Variants in APP observed in about 807,000 individuals in gnomAD.
The protein encoded by APP is amyloid beta precursor protein.
APP carries 31 observed loss-of-function variants against 101.4 expected under a neutral mutation model. That is an observed-to-expected ratio of 0.31 (90% CI 0.23 to 0.41). APP has a LOEUF of 0.41. Ranked by LOEUF, APP falls within the 10% of genes least tolerant of loss-of-function variation. The probability of loss-of-function intolerance (pLI) is 1.00; values close to 1 mark genes in which losing one functional copy is unlikely to be tolerated. For missense variants in APP, 839 were observed against 1,003.7 expected (o/e 0.84, Z 2.22); for synonymous variants, 366 against 364.4 (o/e 1.00, Z -0.05).
At chr21:26,104,624 C>CA (rs374151996) in intron 2 of APP, among the ~76,000 whole-genome samples, 24 of 150,578 alleles carry the variant, frequency 1.6e-4, no homozygotes, top group Middle Eastern at 3.4e-3. Context: ...GAATCAAGGG[C>CA]AAAAAAAACA....
chr21:26,006,398 G>GTGTAGTATTTGCTTT (rs1294526614), intron 6 of APP, among the ~76,000 whole-genome samples: 1 of 152,156 alleles, frequency 6.6e-6, no homozygotes, highest in Non-Finnish European at 1.5e-5. Flanking sequence ...CTGAAATGCT[G>GTGTAGTATTTGCTTT]GTGTATACGA....
rs896744715 is a variant in APP at position 26,065,113 on chromosome 21, C to T, written c.356-11765G>A. Among the ~76,000 whole-genome samples the T allele has an allele frequency of 3.3e-5, 5 of 152,276 alleles. No homozygotes were observed. The South Asian group carries it at 6.2e-4, about 19-fold the overall frequency. On this transcript the variant is annotated intron_variant, in intron 3 of 17. Transcript: ENST00000346798. ...AAATGATCCACCTGCCTCGGCCTCC[C>T]AAAGTGCTGGGATTACAGGCACCGG...
chr21:25,880,892 T>C lies in APP; in HGVS notation c.*778A>G, dbSNP rs200089634. 1.3e-5 allele frequency: 2 copies of C among 152,730 alleles called. No homozygotes were observed. The highest frequency in any genetic ancestry group is 6.5e-5 in the Admixed American group (1 of 15,284). The allele number at this position is 152,730 out of a possible 1,614,324, so 9.5% of individuals were successfully genotyped here. A position where few individuals can be genotyped will look rare whatever the true frequency, so the allele number is the denominator to read the frequency against. ...TTCTGTACAATCATCCTGCAGAAAA[T>C]TGTTTTGGAGAATTCTTGGTAATTG... On this transcript the variant is annotated 3_prime_UTR_variant, in exon 18 of 18. Transcript: ENST00000346798.
rs887377072 is a variant in APP at position 25,887,539 on chromosome 21, A to C, written c.2211+4183T>G. Among the ~76,000 whole-genome samples, 21 of 147,210 alleles carry C rather than the reference A, an allele frequency of 1.4e-4. No homozygotes were observed. In the East Asian group the frequency reaches 3.6e-3, roughly 25 times the overall value. ...TTTGAAAAAAAAAAAAAAAAAAAAA[A>C]ACAACAACTAGCAAGTGCTCATTTC... is the stretch of plus-strand genomic sequence containing the variant. On this transcript the variant is annotated intron_variant, in intron 17 of 17. Coordinates refer to ENST00000346798, the MANE Select transcript of APP (RefSeq NM_000484.4).
chr21:26,105,060 A>AT (rs2062150179), intron 2 of APP, among the ~76,000 whole-genome samples: 1 of 106,734 alleles, frequency 9.4e-6, no homozygotes, highest in African/African-American at 3.8e-5. Flanking sequence ...GTTTCCACGC[A>AT]TTTTTTTCAA....
intron 3 of APP, among the ~76,000 whole-genome samples, chr21:26,074,543 G>C (rs1392026589): frequency 6.6e-6 from 1 of 152,204 alleles, no homozygotes; most frequent in African/African-American, 2.4e-5. Context: ...TTGAGGTCAG[G>C]AGATCGAGAC....
intron 17 of APP, among the ~76,000 whole-genome samples, chr21:25,885,324 T>C (rs1344524855): frequency 2.0e-5 from 3 of 152,232 alleles, no homozygotes; most frequent in African/African-American, 4.8e-5. Context: ...TGGGCCACCA[T>C]GTGAAGGCCA....
chr21:26,122,597 G>A (rs1252096663), intron 1 of APP, among the ~76,000 whole-genome samples: 1 of 152,078 alleles, frequency 6.6e-6, no homozygotes, highest in African/African-American at 2.4e-5. Flanking sequence ...CGTTACCAAT[G>A]CCAAATTTAA....
chr21:25,996,020 T>C (rs573470180), intron 8 of APP, among the ~76,000 whole-genome samples: 28 of 152,284 alleles, frequency 1.8e-4, no homozygotes, highest in African/African-American at 5.8e-4. Context: ...GTGCCTCTTC[T>C]TCCAGCAATC....
intron 3 of APP, among the ~76,000 whole-genome samples, chr21:26,076,646 A>T (rs2061502049): frequency 6.6e-6 from 1 of 152,238 alleles, no homozygotes; most frequent in Admixed American, 6.5e-5. Context: ...AGAAAAAGCA[A>T]ACATCTTGTG....
At chr21:26,157,252 T>C (rs1454934612) in intron 1 of APP, among the ~76,000 whole-genome samples, 2 of 152,274 alleles carry the variant, frequency 1.3e-5, no homozygotes, top group African/African-American at 4.8e-5. Context: ...GTATTTTTTG[T>C]AGAGACGGGG....
chr21:26,033,377 T>A (rs2044932411), intron 5 of APP, among the ~76,000 whole-genome samples: 1 of 152,220 alleles, frequency 6.6e-6, no homozygotes, highest in Non-Finnish European at 1.5e-5. Flanking sequence ...CCTTCTGCCA[T>A]GATTGTAAGT....
intron 2 of APP, among the ~76,000 whole-genome samples, chr21:26,092,391 T>C (rs973354504): frequency 7.9e-5 from 12 of 152,136 alleles, no homozygotes; most frequent in Non-Finnish European, 1.6e-4. Flanking sequence ...TTAACTAATA[T>C]TGCTAAGTGA....
At chr21:26,156,095 G>A (rs959878611) in intron 1 of APP, among the ~76,000 whole-genome samples, 1 of 151,248 alleles carries the variant, frequency 6.6e-6, no homozygotes, top group African/African-American at 2.4e-5. Flanking sequence ...CTAAGTGGAT[G>A]TGCCTTTATG....
intron 5 of APP, among the ~76,000 whole-genome samples, chr21:26,027,580 T>C (rs1371688725): frequency 6.6e-6 from 1 of 152,074 alleles, no homozygotes; most frequent in Admixed American, 6.6e-5. Context: ...CTAATTCTAT[T>C]TGAATTAAAT....
chr21:26,007,427 G>T (rs2043583871), intron 6 of APP, among the ~76,000 whole-genome samples: 1 of 145,860 alleles, frequency 6.9e-6, no homozygotes, highest in Non-Finnish European at 1.5e-5. Context: ...TATAATTTAT[G>T]TATTATATTT....
At chr21:25,901,717 C>T (rs1441798003) in intron 15 of APP, among the ~76,000 whole-genome samples, 1 of 152,166 alleles carries the variant, frequency 6.6e-6, no homozygotes. Flanking sequence ...CTGATTTCAC[C>T]CTAAGCCCTG....
intron 1 of APP, among the ~76,000 whole-genome samples, chr21:26,130,518 C>T (rs2062773003): frequency 6.6e-6 from 1 of 152,238 alleles, no homozygotes; most frequent in African/African-American, 2.4e-5. Context: ...CAACTCACAA[C>T]TAATGTCTTT....
At chr21:26,050,139 A>G (rs2045778179) in intron 5 of APP, among the ~76,000 whole-genome samples, 1 of 152,166 alleles carries the variant, frequency 6.6e-6, no homozygotes, top group African/African-American at 2.4e-5. Context: ...ATTACACCAG[A>G]AATTAAAAGA....
Sources: allele counts gnomAD v4.1 joint callset (sites outside exome capture counted in the v4.1 genomes callset), GRCh38; gene constraint gnomAD v4.1.1; transcripts MANE v1.5; gene names NCBI Gene and HGNC (gene_info 2026-07-23, HGNC 2026-07-21).